The following NAV3 variants were observed in gnomAD, a reference collection of about 807,000 sequenced individuals.
The protein encoded by NAV3 is neuron navigator 3, also known as pore membrane and/or filament interacting like protein 1.
NAV3 carries 87 observed loss-of-function variants against 244.7 expected under a neutral mutation model. The ratio of observed to expected loss-of-function variants is 0.36; its 90% CI spans 0.30 to 0.42. The LOEUF (loss-of-function observed/expected upper bound fraction) is 0.42, where lower values mean the gene tolerates loss of function less well. NAV3 is among the 20% of genes least tolerant of loss of function. NAV3 has a pLI of 1.00. For synonymous variants in NAV3, 1,126 were observed against 1,042.2 expected (o/e 1.08, Z -1.55); for missense variants, 2,663 against 2,893.3 (o/e 0.92, Z 1.83).
chr12:77,843,248 A>G (rs1260055383), intron 1 of NAV3, among the ~76,000 whole-genome samples: 3 of 152,012 alleles, frequency 2.0e-5, no homozygotes, highest in African/African-American at 7.3e-5. Context: ...CTCCAACAAT[A>G]TGTTCTCTCA....
intron 8 of NAV3, among the ~76,000 whole-genome samples, chr12:78,008,398 C>A (rs1440855982): frequency 6.6e-6 from 1 of 151,998 alleles, no homozygotes; most frequent in African/African-American, 2.4e-5. Context: ...TTGTTTTAAT[C>A]GATTAGAGAT....
intron 1 of NAV3, among the ~76,000 whole-genome samples, chr12:77,918,712 T>C (rs2137138829): frequency 6.6e-6 from 1 of 152,180 alleles, no homozygotes; most frequent in South Asian, 2.1e-4. Context: ...TGACTGGAGC[T>C]TGCCTCCATA....
intron 12 of NAV3, among the ~76,000 whole-genome samples, chr12:78,078,163 C>G (rs1450188550): frequency 6.6e-6 from 1 of 152,100 alleles, no homozygotes; most frequent in Non-Finnish European, 1.5e-5. Context: ...GGTCCCACTC[C>G]AATGAGCTCT....
chr12:78,120,026 A>G (rs1253121800), intron 15 of NAV3, 81 bp downstream of exon 15: 4 of 1,014,760 alleles, frequency 3.9e-6, no homozygotes, highest in Non-Finnish European at 5.6e-6. Context: ...AAATGTGTGT[A>G]TATATATATT....
chr12:78,189,259 C>T (rs78118036), intron 33 of NAV3, among the ~76,000 whole-genome samples: 1,892 of 151,848 alleles, frequency 0.012, 35 homozygotes, highest in African/African-American at 0.042. Context: ...TAATTATAGG[C>T]TAATGTAATA....
chr12:78,136,439 G>T (rs1170073084), intron 18 of NAV3, among the ~76,000 whole-genome samples: 1 of 152,066 alleles, frequency 6.6e-6, no homozygotes, highest in Non-Finnish European at 1.5e-5. Flanking sequence ...TTGGCAATAA[G>T]CAATAAGAAA....
At chr12:78,122,531 G>A (rs1955720039) in intron 16 of NAV3, 103 bp downstream of exon 16, 3 of 1,387,712 alleles carry the variant, frequency 2.2e-6, no homozygotes, top group Non-Finnish European at 2.9e-6. Flanking sequence ...GAGTGCCCCG[G>A]TGCAAAAAGA....
At chr12:77,804,787 A>T (rs751098028) in intron 2 of NAV3, among the ~76,000 whole-genome samples, 1 of 152,000 alleles carries the variant, frequency 6.6e-6, no homozygotes, top group Non-Finnish European at 1.5e-5. Flanking sequence ...CACGATATTG[A>T]TTCTTCCTGT....
At chr12:77,892,178 G>A (rs1884014234) in intron 1 of NAV3, among the ~76,000 whole-genome samples, 1 of 152,118 alleles carries the variant, frequency 6.6e-6, no homozygotes, top group African/African-American at 2.4e-5. Context: ...TTTATTAATT[G>A]CTGAAATAAA....
chr12:77,909,099 T>C (rs1886309042), intron 1 of NAV3, among the ~76,000 whole-genome samples: 1 of 152,086 alleles, frequency 6.6e-6, no homozygotes, highest in South Asian at 2.1e-4. Flanking sequence ...ATACTGAATA[T>C]AAAGCCCCTT....
Position 78,037,731 on chromosome 12 carries a change from G to T in NAV3, c.2024-12262G>T, listed in dbSNP as rs181056509. 5.7e-3 allele frequency among the ~76,000 whole-genome samples: 863 copies of T among 152,130 alleles called. 5 individuals carry two copies. The highest frequency in any genetic ancestry group is 0.02 in the African/African-American group (835 of 41,518). The stretch of plus-strand genomic sequence containing the variant: ...TGTTTTTCACCTACTCATTAAAGGG[G>T]CCTATTTGTTCAACTTCCCTCAAGG... On this transcript the variant is annotated intron_variant, in intron 9 of 39. Transcript: ENST00000397909.
At chr12:77,873,679 GTATATATATATATA>G (rs200152687) in intron 1 of NAV3, among the ~76,000 whole-genome samples, 9 of 107,308 alleles carry the variant, frequency 8.4e-5, no homozygotes, top group Middle Eastern at 0.01. Context: ...ATTTGTATGT[GTATATATATATATA>G]TATATATATA....
At chr12:77,881,771 T>C (rs1216824071) in intron 1 of NAV3, among the ~76,000 whole-genome samples, 1 of 152,148 alleles carries the variant, frequency 6.6e-6, no homozygotes, top group Non-Finnish European at 1.5e-5. Context: ...AGCATTTCTA[T>C]ACACCAATAG....
At chr12:78,010,697 A>G (rs1235625361) in intron 8 of NAV3, 2 of 152,148 alleles carry the variant, frequency 1.3e-5, no homozygotes, top group African/African-American at 4.8e-5. Context: ...CTCATTTATA[A>G]TTGAAAATGG....
intron 24 of NAV3, among the ~76,000 whole-genome samples, chr12:78,171,482 A>T (rs1957995258): frequency 6.6e-6 from 1 of 151,618 alleles, no homozygotes; most frequent in South Asian, 2.1e-4. Context: ...ATAACAGTTA[A>T]TATCTAAATT....
At chr12:78,151,060 A>AT (rs1423056871) in intron 22 of NAV3, among the ~76,000 whole-genome samples, 2 of 138,344 alleles carry the variant, frequency 1.4e-5, no homozygotes, top group African/African-American at 2.6e-5. Flanking sequence ...GGGAACAATC[A>AT]TTTAAAAAAA....
exon 2 of NAV3, chr12:77,571,927 A>G (rs1868844865): frequency 1.3e-5 from 2 of 152,224 alleles, no homozygotes; most frequent in Non-Finnish European, 2.9e-5. Flanking sequence ...TAGCAGTTGA[A>G]GTCAAAATTC....
intron 7 of NAV3, among the ~76,000 whole-genome samples, chr12:78,001,239 A>T (rs746829209): frequency 6.6e-6 from 1 of 152,174 alleles, no homozygotes; most frequent in Non-Finnish European, 1.5e-5. Flanking sequence ...ACTAACTTGA[A>T]TATTATTATT....
chr12:77,977,427 A>C (rs1041161490), intron 5 of NAV3, among the ~76,000 whole-genome samples: 11 of 152,104 alleles, frequency 7.2e-5, no homozygotes, highest in African/African-American at 2.7e-4. Flanking sequence ...TAATGGAATA[A>C]CATCTTTATT....
Sources: gnomAD v4.1 joint callset for allele counts (sites outside exome capture counted in the v4.1 genomes callset) on GRCh38, gnomAD v4.1.1 for gene constraint, MANE v1.5 for transcripts, NCBI Gene and HGNC (gene_info 2026-07-23, HGNC 2026-07-21) for gene names.